The following GRM8 variants were observed in gnomAD, a reference collection of about 807,000 sequenced individuals.
GRM8 encodes the protein glutamate metabotropic receptor 8.
GRM8 carries 47 observed loss-of-function variants against 87.2 expected under a neutral mutation model. The ratio of observed to expected loss-of-function variants is 0.54; its 90% CI spans 0.43 to 0.69. The LOEUF (loss-of-function observed/expected upper bound fraction) is 0.69, where lower values mean the gene tolerates loss of function less well. Among genes scored for constraint, GRM8 ranks in the 30% least tolerant of loss-of-function variants. The pLI is 0.00. For missense variants in GRM8, 1,019 were observed against 1,139.2 expected (o/e 0.89, Z 1.52); for synonymous variants, 396 against 404.5 (o/e 0.98, Z 0.25).
intron 2 of GRM8, among the ~76,000 whole-genome samples, chr7:127,220,863 C>CAG (rs1173590460): frequency 1.3e-5 from 2 of 152,190 alleles, no homozygotes; most frequent in African/African-American, 2.4e-5. Context: ...TGGCTCCTCC[C>CAG]AGAATCTGCT....
chr7:126,684,184 G>A (rs1421061095), intron 7 of GRM8, among the ~76,000 whole-genome samples: 3 of 152,110 alleles, frequency 2.0e-5, no homozygotes, highest in Admixed American at 6.5e-5. Context: ...TGGAGTGGGC[G>A]GTGTAGGCTG....
intron 6 of GRM8, among the ~76,000 whole-genome samples, chr7:126,859,630 G>A (rs958386258): frequency 7.9e-5 from 12 of 152,182 alleles, no homozygotes; most frequent in Non-Finnish European, 8.8e-5. Context: ...TACTTTGAGA[G>A]TCTGATGCAA....
intron 7 of GRM8, among the ~76,000 whole-genome samples, chr7:126,643,361 G>A (rs1802688773): frequency 1.2e-5 from 1 of 81,734 alleles, no homozygotes; most frequent in Non-Finnish European, 2.2e-5. Context: ...TATATAGTTT[G>A]AAGCAATGAT....
chr7:126,573,290 T>C (rs1038534085), intron 8 of GRM8, among the ~76,000 whole-genome samples: 4 of 152,184 alleles, frequency 2.6e-5, no homozygotes, highest in Non-Finnish European at 5.9e-5. Context: ...CACAATGGGA[T>C]GATGTAAAAG....
In GRM8 at chr7:126,729,246, G is replaced by C. The variant is rs1470449717; in HGVS notation, c.1357+40619C>G. Reference sequence around the variant, plus strand: ...GTCACCATTCCAGAGTGCTCTGATGGCTTCACACTGCTAGTACCTGCAATC... The same window carrying C: ...GTCACCATTCCAGAGTGCTCTGATGCCTTCACACTGCTAGTACCTGCAATC... On this transcript the variant is annotated intron_variant, in intron 7 of 10. Transcript: ENST00000339582. Among the ~76,000 whole-genome samples the C allele has an allele frequency of 1.3e-5, 2 of 152,232 alleles. 1 individual carries two copies. Among genetic ancestry groups the C allele is most frequent in the East Asian group, 3.9e-4 (2 of 5,160 alleles).
chr7:126,510,986 T>C (rs902788923), intron 9 of GRM8: 1 of 152,152 alleles, frequency 6.6e-6, no homozygotes, highest in Admixed American at 6.6e-5. Context: ...GGCTCTTACA[T>C]AGTCATGGTC....
chr7:126,494,919 C>T (rs1046072568), intron 9 of GRM8, among the ~76,000 whole-genome samples: 5 of 151,860 alleles, frequency 3.3e-5, no homozygotes, highest in African/African-American at 9.7e-5. Context: ...GATGACTGCT[C>T]GTGAATATGT....
intron 9 of GRM8, among the ~76,000 whole-genome samples, chr7:126,506,676 G>C (rs1810521388): frequency 6.6e-6 from 1 of 151,798 alleles, no homozygotes; most frequent in Non-Finnish European, 1.5e-5. Context: ...CTACTTGAGA[G>C]GCTGAAGCAC....
At chr7:127,150,951 GGTT>G (rs1295818012) in intron 2 of GRM8, among the ~76,000 whole-genome samples, 1 of 152,038 alleles carries the variant, frequency 6.6e-6, no homozygotes, top group East Asian at 1.9e-4. Context: ...GTCTTAAGAA[GGTT>G]GTTGTTTTTT....
intron 9 of GRM8, among the ~76,000 whole-genome samples, chr7:126,461,314 C>T (rs760692412): frequency 4.0e-5 from 6 of 151,536 alleles, no homozygotes; most frequent in East Asian, 3.9e-4. Flanking sequence ...ATTCTTTATA[C>T]ATCTCTCACC....
intron 7 of GRM8, among the ~76,000 whole-genome samples, chr7:126,758,958 C>T (rs915453365): frequency 6.6e-6 from 1 of 151,916 alleles, no homozygotes; most frequent in Non-Finnish European, 1.5e-5. Flanking sequence ...AGTGCAGTGG[C>T]GGGATCCTGG....
chr7:126,833,997 G>A (rs964090610), intron 6 of GRM8, among the ~76,000 whole-genome samples: 1 of 152,144 alleles, frequency 6.6e-6, no homozygotes, highest in Admixed American at 6.5e-5. Context: ...TCAAGCAGAA[G>A]GGATTGCTTG....
chr7:126,807,679 A>G (rs1252489326), intron 6 of GRM8, among the ~76,000 whole-genome samples: 2 of 151,948 alleles, frequency 1.3e-5, no homozygotes, highest in Non-Finnish European at 2.9e-5. Flanking sequence ...ATTCTCCTAA[A>G]ACCCTAAAAT....
chr7:126,714,023 G>A (rs961270658), intron 7 of GRM8, among the ~76,000 whole-genome samples: 3 of 151,506 alleles, frequency 2.0e-5, no homozygotes, highest in African/African-American at 7.3e-5. Flanking sequence ...TGTAATCCCA[G>A]CACTTTGGGA....
chr7:126,902,564 G>A lies in GRM8; in HGVS notation c.1134C>T (p.Asn378=), dbSNP rs773057609. The part of the protein sequence containing the change: ...GCKLGSHGKR[N]SHIKKCTGLE... ...TACCTGTGCATTTCTTTATATGACTGTTCCTTTTCCCATGTGATCCTAACT... is the reference window on the plus strand; with the variant it reads ...TACCTGTGCATTTCTTTATATGACTATTCCTTTTCCCATGTGATCCTAACT... The change falls in exon 6 of 11, where the codon AAC becomes AAT. Residue 378 remains asparagine, a synonymous_variant. Transcript: ENST00000339582. 6 of 1,606,438 alleles carry A rather than the reference G, an allele frequency of 3.7e-6. No individual in the cohort carries two copies. In the East Asian group the frequency reaches 1.1e-4, roughly 30 times the overall value.
At chr7:126,519,698 G>T (rs1240078788) in intron 9 of GRM8, among the ~76,000 whole-genome samples, 1 of 152,098 alleles carries the variant, frequency 6.6e-6, no homozygotes, top group Non-Finnish European at 1.5e-5. Flanking sequence ...TCATCTAAAA[G>T]AAGTGACAAA....
chr7:127,120,672 A>G (rs1468750498), intron 2 of GRM8, among the ~76,000 whole-genome samples: 2 of 152,224 alleles, frequency 1.3e-5, no homozygotes, highest in African/African-American at 4.8e-5. Flanking sequence ...AAACACATTC[A>G]TTGCAAAGAT....
chr7:127,192,203 G>A (rs1795065067), intron 2 of GRM8, among the ~76,000 whole-genome samples: 1 of 152,196 alleles, frequency 6.6e-6, no homozygotes, highest in South Asian at 2.1e-4. Context: ...AAACTTGGAG[G>A]AAGTAAACAG....
At chr7:127,140,281 G>A (rs1828188762) in intron 2 of GRM8, among the ~76,000 whole-genome samples, 1 of 152,022 alleles carries the variant, frequency 6.6e-6, no homozygotes, top group African/African-American at 2.4e-5. Flanking sequence ...CTATTCATTA[G>A]ACAGTAGCAA....
Sources: allele counts gnomAD v4.1 joint callset (sites outside exome capture counted in the v4.1 genomes callset), GRCh38; gene constraint gnomAD v4.1.1; transcripts MANE v1.5; gene names NCBI Gene and HGNC (gene_info 2026-07-23, HGNC 2026-07-21).